Variants in BTBD8 observed in about 807,000 individuals in gnomAD.
BTBD8 encodes the protein BTB/POZ domain-containing protein 8.
A neutral mutation model predicts 162.9 loss-of-function variants in BTBD8; 110 were observed. That is an observed-to-expected ratio of 0.68 (90% CI 0.58 to 0.79). The LOEUF (loss-of-function observed/expected upper bound fraction) is 0.79. Among genes scored for constraint, BTBD8 ranks in the 30% least tolerant of loss-of-function variants. The probability of loss-of-function intolerance (pLI) is 0.00; values close to 1 mark genes in which losing one functional copy is unlikely to be tolerated. For missense variants in BTBD8, 1,905 were observed against 2,085.4 expected, an observed-to-expected ratio of 0.91 and a Z score of 1.68; for synonymous variants, 667 against 716.1, an observed-to-expected ratio of 0.93 and a Z score of 1.10.
intron 9 of BTBD8, among the ~76,000 whole-genome samples, chr1:92,157,780 T>A (rs1650193357): frequency 6.6e-6 from 1 of 152,220 alleles, no homozygotes; most frequent in African/African-American, 2.4e-5. Flanking sequence ...TTTCTGGGAT[T>A]ACAGGCACGA....
chr1:92,117,548 C>G (rs1027306746), intron 4 of BTBD8, among the ~76,000 whole-genome samples: 2 of 151,936 alleles, frequency 1.3e-5, no homozygotes, highest in African/African-American at 4.9e-5. Flanking sequence ...GAATATCTGT[C>G]AGCCATATAG....
chr1:92,106,660 C>CAGAAAA (rs748723854), intron 3 of BTBD8, among the ~76,000 whole-genome samples: 3 of 9,944 alleles, frequency 3.0e-4, no homozygotes, highest in African/African-American at 1.2e-3. Flanking sequence ...GACTCTGTCT[C>CAGAAAA]AAAAAAAAAA....
Position 92,126,321 on chromosome 1 carries a change from C to T in BTBD8, c.663-3366C>T, listed in dbSNP as rs1649358168. 6.7e-6 allele frequency: 4 copies of T among 592,710 alleles called. No homozygotes were observed. The Admixed American group carries it at 7.6e-5, about 11-fold the overall frequency. 36.7% of individuals were successfully genotyped at this position (592,710 alleles called of 1,614,324 possible). A position where few individuals can be genotyped will look rare whatever the true frequency, so the allele number is the denominator to read the frequency against. On this transcript the variant is annotated intron_variant, in intron 4 of 17. Transcript: ENST00000636805. ...TGGTGAATTTGCATTCCTGATGAATCACCCTCCTGCTGCCACAGTGGTTGT... is the reference window on the plus strand; with the variant it reads ...TGGTGAATTTGCATTCCTGATGAATTACCCTCCTGCTGCCACAGTGGTTGT...
In BTBD8 at chr1:92,182,071, T is replaced by A. The variant is rs1650927612; in HGVS notation, c.4388T>A (p.Val1463Glu). The change falls in exon 17 of 18, where the codon GTA becomes GAA. Residue 1463 changes from valine (V) to glutamate (E), a missense_variant. Transcript: ENST00000636805. ...GEVHTPFQAS[V>E]DSFSPSDVFD... ...GTCCATACTCCCTTTCAGGCTTCTG[T>A]AGATTCTTTTTCACCTTCTGATGTT... The A allele has an allele frequency of 6.4e-7, 1 of 1,551,440 alleles. No individual in the cohort carries two copies. Among genetic ancestry groups the A allele is most frequent in the Non-Finnish European group, 8.7e-7 (1 of 1,146,958 alleles).
rs746086182 is a variant in BTBD8 at position 92,178,380 on chromosome 1, G to A, written c.2510G>A (p.Gly837Glu). The change falls in exon 16 of 18, where the codon GGA (glycine) becomes GAA (glutamate). Residue 837 changes from glycine to glutamate, a missense_variant. Around this residue, in one of 3 missense-constraint regions of BTBD8, gnomAD observed 1,374 missense variants for 1,442.7 expected, o/e 0.95. Coordinates refer to ENST00000636805, the MANE Select transcript of BTBD8 (RefSeq NM_001376131.1). ...PVPQAILKKR[G>E]TSNGCTAAQQ... ...CCACAGGCAATTTTGAAGAAAAGAG[G>A]AACTAGCAATGGATGTACTGCAGCT... 11 of 1,551,438 alleles carry A rather than the reference G, an allele frequency of 7.1e-6. No individual in the cohort carries two copies. The South Asian group carries it at 1.2e-4, about 17-fold the overall frequency.
At position 92,177,547 on chromosome 1, in the gene BTBD8, G is replaced by C; in HGVS notation, c.2353+1G>C. The C allele has an allele frequency of 6.6e-7, 1 of 1,517,992 alleles. No homozygotes were observed. Among genetic ancestry groups the C allele is most frequent in the Non-Finnish European group, 8.9e-7 (1 of 1,128,272 alleles). 94.0% of individuals were successfully genotyped at this position (1,517,992 alleles called of 1,614,324 possible). On this transcript the variant is annotated splice_donor_variant, in intron 14 of 17. Coordinates refer to ENST00000636805, the MANE Select transcript of BTBD8 (RefSeq NM_001376131.1). LOFTEE classifies it high-confidence loss of function. ...GATAGTGTCAAAAATTCCACTGTAGGTGGGTTTTAGCACTGTAATTTTTAA... is the reference window on the plus strand; with the variant it reads ...GATAGTGTCAAAAATTCCACTGTAGCTGGGTTTTAGCACTGTAATTTTTAA...
chr1:92,088,320 ATAAT>A (rs1208073784), intron 1 of BTBD8, among the ~76,000 whole-genome samples: 22 of 152,338 alleles, frequency 1.4e-4, no homozygotes, highest in Middle Eastern at 3.4e-3. Flanking sequence ...ATTATTTTAA[ATAAT>A]TAATGATCAT....
At chr1:92,178,618 C>T (rs1650792005) in intron 16 of BTBD8, among the ~76,000 whole-genome samples, 167 bp downstream of exon 16, 1 of 152,070 alleles carries the variant, frequency 6.6e-6, no homozygotes, top group Admixed American at 6.6e-5. Flanking sequence ...ACTTTTCAGA[C>T]AGGTGTTTTG....
At chr1:92,108,212 A>T (rs1448317168) in intron 4 of BTBD8, among the ~76,000 whole-genome samples, 2 of 152,200 alleles carry the variant, frequency 1.3e-5, no homozygotes, top group Non-Finnish European at 2.9e-5. Context: ...GCAGGTTTTC[A>T]CACGTGCATA....
intron 9 of BTBD8, among the ~76,000 whole-genome samples, chr1:92,166,077 T>C (rs1650377677): frequency 6.6e-6 from 1 of 152,240 alleles, no homozygotes; most frequent in African/African-American, 2.4e-5. Flanking sequence ...TATTTGCTCA[T>C]TGTCATTCCA....
intron 4 of BTBD8, among the ~76,000 whole-genome samples, chr1:92,109,218 G>A (rs749866262): frequency 6.0e-5 from 9 of 150,446 alleles, no homozygotes; most frequent in Non-Finnish European, 1.3e-4. Flanking sequence ...AAATCATGGT[G>A]TGGGTGTAGG....
At chr1:92,094,891 C>A (rs1281638105) in intron 2 of BTBD8, among the ~76,000 whole-genome samples, 1 of 152,210 alleles carries the variant, frequency 6.6e-6, no homozygotes, top group Non-Finnish European at 1.5e-5. Context: ...CAGCACAGAA[C>A]AAAGGATATC....
At position 92,182,226 on chromosome 1, in the gene BTBD8, T is replaced by C. The variant is rs189818597; in HGVS notation, c.4543T>C (p.Leu1515=). Residue 1515 remains leucine (L), a synonymous_variant, in exon 17 of 18, where the codon TTG becomes CTG. Coordinates refer to ENST00000636805, the MANE Select transcript of BTBD8 (RefSeq NM_001376131.1). ...TGTATGTAAAAATGAAAGCACTGTC[T>C]TGGATCTTAGTAGCATTGACTCTTC... ...NSVCKNESTV[L]DLSSIDSSRK... The C allele has an allele frequency of 5.0e-4, 774 of 1,550,838 alleles. 4 individuals are homozygous for C. Among genetic ancestry groups the C allele is most frequent in the Non-Finnish European group, 4.4e-4 (505 of 1,146,794 alleles).
chr1:92,163,279 C>T (rs140311160), intron 9 of BTBD8, among the ~76,000 whole-genome samples: 3,512 of 130,594 alleles, frequency 0.027, 168 homozygotes, highest in African/African-American at 0.094. Context: ...GGCGTGAACC[C>T]GGGAGGCGGA....
intron 9 of BTBD8, among the ~76,000 whole-genome samples, chr1:92,164,139 A>G (rs1650331053): frequency 6.6e-6 from 1 of 152,238 alleles, no homozygotes; most frequent in Non-Finnish European, 1.5e-5. Flanking sequence ...AATTATAGCA[A>G]AGTATGACTT....
chr1:92,104,277 G>C (rs1368328552), intron 3 of BTBD8, among the ~76,000 whole-genome samples: 4 of 152,148 alleles, frequency 2.6e-5, no homozygotes, highest in African/African-American at 9.7e-5. Flanking sequence ...TTACTCATCT[G>C]ATTTATCCTG....
intron 11 of BTBD8, 82 bp downstream of exon 11, chr1:92,168,067 A>G (rs1167944881): frequency 7.7e-7 from 1 of 1,296,682 alleles, no homozygotes; most frequent in African/African-American, 1.5e-5. Flanking sequence ...TAAATGTTGC[A>G]GGGTCATTGA....
At chr1:92,129,603 A>G (rs1480599541) in intron 4 of BTBD8, 84 bp from the exon 5 acceptor site, 6 of 1,059,120 alleles carry the variant, frequency 5.7e-6, no homozygotes, top group Admixed American at 1.9e-5. Flanking sequence ...GTTTTAATAC[A>G]TAAAGATGAA....
intron 16 of BTBD8, among the ~76,000 whole-genome samples, chr1:92,178,750 A>G (rs1416501930): frequency 6.6e-6 from 1 of 151,948 alleles, no homozygotes; most frequent in Non-Finnish European, 1.5e-5. Flanking sequence ...CTGCCTCCCA[A>G]AGTGCTGGGA....
Sources: gnomAD v4.1 joint callset for allele counts (sites outside exome capture counted in the v4.1 genomes callset) on GRCh38, gnomAD v4.1.1 for gene constraint, gnomAD v4.1.1 regional missense constraint, MANE v1.5 for transcripts, NCBI Gene and HGNC (gene_info 2026-07-23, HGNC 2026-07-21) for gene names.